ZEB1: variants seen among roughly 807,000 people sequenced by gnomAD.
ZEB1 encodes the protein zinc finger E-box-binding homeobox 1.
Under a neutral mutation model 84.9 loss-of-function variants are expected in ZEB1, and 21 were observed. That is an observed-to-expected ratio of 0.25 (90% CI 0.18 to 0.36). The LOEUF (loss-of-function observed/expected upper bound fraction) is 0.36, where lower values mean the gene tolerates loss of function less well. Among genes scored for constraint, ZEB1 ranks in the 10% least tolerant of loss-of-function variants. The pLI is 1.00. For synonymous variants in ZEB1, 420 were observed against 471.1 expected (o/e 0.89, Z 1.41); for missense variants, 1,104 against 1,330.2 (o/e 0.83, Z 2.65).
intron 1 of ZEB1, among the ~76,000 whole-genome samples, chr10:31,380,484 T>C (rs2047428731): frequency 6.6e-6 from 1 of 152,166 alleles, no homozygotes; most frequent in African/African-American, 2.4e-5. Flanking sequence ...AATTGGGCAG[T>C]GGTGCCAACC....
At chr10:31,422,085 C>G (rs2056256937) in intron 1 of ZEB1, among the ~76,000 whole-genome samples, 1 of 152,128 alleles carries the variant, frequency 6.6e-6, no homozygotes, top group Non-Finnish European at 1.5e-5. Flanking sequence ...GCCTACAGTT[C>G]TTTATTCTTT....
intron 1 of ZEB1, among the ~76,000 whole-genome samples, chr10:31,361,869 C>T (rs550278655): frequency 6.8e-5 from 10 of 146,986 alleles, no homozygotes; most frequent in East Asian, 4.1e-4. Flanking sequence ...CTCCTCGCTT[C>T]GCAGACGGGA....
At chr10:31,471,817 C>A (rs201099333) in intron 2 of ZEB1, among the ~76,000 whole-genome samples, 6,493 of 143,526 alleles carry the variant, frequency 0.045, 482 homozygotes, top group East Asian at 0.16. Context: ...GGAAGTAAAG[C>A]TCTCCTCAGC....
At chr10:31,456,398 A>G (rs1021648445) in intron 1 of ZEB1, among the ~76,000 whole-genome samples, 1 of 152,272 alleles carries the variant, frequency 6.6e-6, no homozygotes, top group Non-Finnish European at 1.5e-5. Context: ...CTTAAAGTAT[A>G]ATAATAAAAA....
At chr10:31,322,298 T>A (rs2034303145) in intron 1 of ZEB1, among the ~76,000 whole-genome samples, 1 of 152,242 alleles carries the variant, frequency 6.6e-6, no homozygotes, top group South Asian at 2.1e-4. Flanking sequence ...AAGTTGCAGA[T>A]GTTTATTGGA....
chr10:31,513,075 AT>A (rs572964853), intron 5 of ZEB1, among the ~76,000 whole-genome samples: 17 of 152,292 alleles, frequency 1.1e-4, no homozygotes, highest in African/African-American at 3.4e-4. Flanking sequence ...GGAATTTTTA[AT>A]TTTTATTTTT....
intron 1 of ZEB1, among the ~76,000 whole-genome samples, chr10:31,326,247 A>G (rs1030515573): frequency 2.6e-5 from 4 of 152,106 alleles, no homozygotes; most frequent in Admixed American, 1.3e-4. Flanking sequence ...AGATTTTCTG[A>G]ACCTGGGCTC....
chr10:31,490,526 C>A (rs536533929), intron 2 of ZEB1, among the ~76,000 whole-genome samples: 90 of 151,724 alleles, frequency 5.9e-4, no homozygotes, highest in African/African-American at 1.9e-3. Flanking sequence ...CTAAAATTTT[C>A]TTTTAGTTTT....
intron 1 of ZEB1, among the ~76,000 whole-genome samples, chr10:31,358,933 T>C (rs1284516080): frequency 6.6e-6 from 1 of 152,232 alleles, no homozygotes; most frequent in African/African-American, 2.4e-5. Context: ...TCTTTGACTT[T>C]TTATTATTTG....
At chr10:31,321,495 G>C in intron 1 of ZEB1, 1 of 1,614,002 alleles carries the variant, frequency 6.2e-7, no homozygotes, top group South Asian at 1.1e-5. Flanking sequence ...GTTCCATATT[G>C]AGCTGTTGCC....
intron 1 of ZEB1, among the ~76,000 whole-genome samples, chr10:31,400,971 A>C (rs776225977): frequency 4.6e-5 from 7 of 152,198 alleles, no homozygotes; most frequent in Non-Finnish European, 8.8e-5. Flanking sequence ...TAAATGACTA[A>C]TAATAGACCA....
chr10:31,399,086 C>T (rs993771585), intron 1 of ZEB1, among the ~76,000 whole-genome samples: 5 of 151,550 alleles, frequency 3.3e-5, no homozygotes, highest in South Asian at 2.1e-4. Context: ...CCTCCTCCTC[C>T]GGGGTTCAAG....
chr10:31,445,648 G>A lies in ZEB1; in HGVS notation c.59-15389G>A, dbSNP rs539428261. 2.7e-3 allele frequency among the ~76,000 whole-genome samples: 400 copies of A among 150,894 alleles called. 4 individuals carry two copies. The highest frequency in any genetic ancestry group is 8.9e-3 in the African/African-American group (363 of 41,012). On this transcript the variant is annotated intron_variant, in intron 1 of 8. Transcript: ENST00000424869. ...GAAGTGTTGTTGAATTTTGTCAAAG[G>A]CTTTTTCTGCATCTATTGAGATAAT...
intron 4 of ZEB1, among the ~76,000 whole-genome samples, chr10:31,510,256 CA>C (rs1425974433): frequency 6.6e-6 from 1 of 152,114 alleles, no homozygotes; most frequent in Non-Finnish European, 1.5e-5. Context: ...TGATACATAC[CA>C]TTGTTACCAA....
chr10:31,359,921 T>C lies in ZEB1; in HGVS notation c.58+40629T>C, dbSNP rs555201266. Among the ~76,000 whole-genome samples, 15 of 152,308 alleles carry C rather than the reference T, an allele frequency of 9.8e-5. No individual in the cohort carries two copies. In the East Asian group the frequency reaches 2.7e-3, roughly 27 times the overall value. On this transcript the variant is annotated intron_variant, in intron 1 of 8. Transcript: ENST00000424869. Reference sequence around the variant, plus strand: ...AGACACTGCCTCAGGGCTACTGAGGTATGTCATAGGGCCATTTGTCCTTTC... The same window carrying C: ...AGACACTGCCTCAGGGCTACTGAGGCATGTCATAGGGCCATTTGTCCTTTC...
chr10:31,427,635 C>T (rs764505766), intron 1 of ZEB1, among the ~76,000 whole-genome samples: 34 of 152,198 alleles, frequency 2.2e-4, no homozygotes, highest in African/African-American at 7.7e-4. Flanking sequence ...GGGTGGATCA[C>T]GAGGTCAGGA....
At chr10:31,364,032 G>A (rs1242305869) in intron 1 of ZEB1, among the ~76,000 whole-genome samples, 6 of 152,150 alleles carry the variant, frequency 3.9e-5, no homozygotes, top group African/African-American at 1.2e-4. Context: ...AACAAAATAC[G>A]CTTAGCGAGT....
chr10:31,461,279 C>A, intron 2 of ZEB1, 42 bp downstream of exon 2: 2 of 1,537,126 alleles, frequency 1.3e-6, no homozygotes, highest in South Asian at 2.4e-5. Flanking sequence ...TCTCATGATT[C>A]GTTTTTTAAA....
intron 1 of ZEB1, among the ~76,000 whole-genome samples, chr10:31,404,588 G>A (rs161237): frequency 0.28 from 43,038 of 152,036 alleles, 14,179 homozygotes; most frequent in African/African-American, 0.8. Flanking sequence ...AGTTTTCTAG[G>A]AAGTTCATCT....
Sources: allele counts gnomAD v4.1 joint callset (sites outside exome capture counted in the v4.1 genomes callset), GRCh38; gene constraint gnomAD v4.1.1; transcripts MANE v1.5; gene names NCBI Gene and HGNC (gene_info 2026-07-23, HGNC 2026-07-21).